The following CCNA1 variants were observed in gnomAD, a reference collection of about 807,000 sequenced individuals.
CCNA1 encodes cyclin A1.
In CCNA1, 23 loss-of-function variants were observed where a neutral mutation model predicts 54.1. That is an observed-to-expected ratio of 0.42 (90% CI 0.31 to 0.60). The LOEUF (loss-of-function observed/expected upper bound fraction) is 0.60, where lower values mean the gene tolerates loss of function less well. Ranked by LOEUF, CCNA1 falls within the 20% of genes least tolerant of loss-of-function variation. CCNA1 has a pLI of 0.14. For synonymous variants in CCNA1, 208 were observed against 213.9 expected (o/e 0.97, Z 0.24); for missense variants, 450 against 556.7 (o/e 0.81, Z 1.93).
At chr13:36,432,434 T>G (rs1593317928), upstream of CCNA1, 1 of 71,392 alleles carries the variant, frequency 1.4e-5, no homozygotes, top group East Asian at 6.7e-4. Flanking sequence ...TGCCCAACCC[T>G]GCCCCGCCCT....
intron 2 of CCNA1, among the ~76,000 whole-genome samples, chr13:36,434,832 C>CAG (rs1555270079): frequency 2.5e-5 from 3 of 120,446 alleles, no homozygotes; most frequent in African/African-American, 8.5e-5. Context: ...AGGTGCCCCC[C>CAG]CCCCCGCGCC....
At chr13:36,439,160 G>T (rs189496718) in intron 5 of CCNA1, among the ~76,000 whole-genome samples, 1 of 152,218 alleles carries the variant, frequency 6.6e-6, no homozygotes, top group African/African-American at 2.4e-5. Context: ...TAGTCTTTTT[G>T]CTATTTCCTA....
rs964820557 is a variant in CCNA1 at position 36,440,401 on chromosome 13, ACC to A, written c.1098+220_1098+221del. On this transcript the variant is annotated intron_variant, in intron 6 of 8. Coordinates refer to ENST00000255465, the MANE Select transcript of CCNA1 (RefSeq NM_003914.4). ...TTTGGCAGGCACGGGTTGTCTAATC[ACC>A]CAACTATTTAAAAATTTAAGCTTGG... Among the ~76,000 whole-genome samples the A allele has an allele frequency of 5.9e-5, 9 of 152,248 alleles. No individual in the cohort carries two copies. The South Asian group carries it at 1.2e-3, about 21-fold the overall frequency.
chr13:36,440,509 T>A (rs1391628136), intron 6 of CCNA1, among the ~76,000 whole-genome samples: 1 of 152,218 alleles, frequency 6.6e-6, no homozygotes, highest in Non-Finnish European at 1.5e-5. Flanking sequence ...TAAATCTAGT[T>A]TAATAAGGTT....
In CCNA1 at chr13:36,432,848, C is replaced by G. The variant is rs558509868; in HGVS notation, c.108+119C>G. On this transcript the variant is annotated intron_variant, in intron 1 of 8. Coordinates refer to ENST00000255465, the MANE Select transcript of CCNA1 (RefSeq NM_003914.4). Reference sequence around the variant, plus strand: ...AGGGATTCAAATAACTGTTTTGATTCAGAGCAACTTTGATCGCCTGTGCGG... The same window carrying G: ...AGGGATTCAAATAACTGTTTTGATTGAGAGCAACTTTGATCGCCTGTGCGG... The G allele has an allele frequency of 2.9e-5, 28 of 961,466 alleles. No individual in the cohort carries two copies. The East Asian group carries it at 6.5e-4, about 22-fold the overall frequency. 59.6% of individuals were successfully genotyped at this position (961,466 alleles called of 1,614,324 possible). A position where few individuals can be genotyped will look rare whatever the true frequency, so the allele number is the denominator to read the frequency against.
Position 36,442,652 on chromosome 13 carries a change from T to C in CCNA1, c.1385T>C (p.Leu462Pro), listed in dbSNP as rs199986257. 2 of 1,613,912 alleles carry C rather than the reference T, an allele frequency of 1.2e-6. No homozygotes were observed. The highest frequency in any genetic ancestry group is 2.2e-5 in the East Asian group (1 of 44,882). The change falls in exon 9 of 9, where the codon CTT becomes CCT. Residue 462 changes from leucine (L) to proline (P), a missense_variant. By Grantham distance (98) the Leu-to-Pro change is moderately conservative. This residue lies in a region of CCNA1 where 53 missense variants were observed against 50.1 expected (regional missense o/e 1.06). Coordinates refer to ENST00000255465, the MANE Select transcript of CCNA1 (RefSeq NM_003914.4). ...TCCCTCATGGAGCCACCTGCAGTTC[T>C]TCTTCTACAATAAGTTTCTGAATGG...
intron 2 of CCNA1, among the ~76,000 whole-genome samples, chr13:36,435,874 C>G (rs919660394): frequency 1.3e-5 from 2 of 152,242 alleles, no homozygotes; most frequent in African/African-American, 4.8e-5. Flanking sequence ...CTTCCCAAGT[C>G]TTCCTTGTCT....
At chr13:36,440,576 G>A (rs2055863605) in intron 6 of CCNA1, among the ~76,000 whole-genome samples, 1 of 152,186 alleles carries the variant, frequency 6.6e-6, no homozygotes, top group South Asian at 2.1e-4. Flanking sequence ...TGGAGTTACA[G>A]AACTTTAGTT....
At chr13:36,438,299 A>G in intron 4 of CCNA1, 108 bp downstream of exon 4, 1 of 929,410 alleles carries the variant, frequency 1.1e-6, no homozygotes, top group South Asian at 1.6e-5. Context: ...CTCTTATGCC[A>G]GCTAAACATA....
At chr13:36,441,324 T>G (rs2055872195) in intron 7 of CCNA1, 93 bp downstream of exon 7, 1 of 713,732 alleles carries the variant, frequency 1.4e-6, no homozygotes, top group Non-Finnish European at 2.5e-6. Context: ...AAGGATCTGG[T>G]CAACTTGACA....
At chr13:36,431,652 T>G (rs1048945110), upstream of CCNA1, 1 of 152,296 alleles carries the variant, frequency 6.6e-6, no homozygotes, top group Non-Finnish European at 1.5e-5. Flanking sequence ...GCAGGCCACA[T>G]GCACCGGGAG....
In CCNA1 at chr13:36,433,419, TTTCTTTCTTTCTTTCTTTCTTTCG is replaced by T. The variant is rs1311115845; in HGVS notation, c.297+217_297+240del. Reference sequence around the variant, plus strand: ...CTTTCTTTCTTTCTTTCTTTCTTTCTTTCTTTCTTTCTTTCTTTCTTTCGTTCTTTCTTTCTTTCTTTTCTTTCT... The same window carrying T: ...CTTTCTTTCTTTCTTTCTTTCTTTCTTTCTTTCTTTCTTTCTTTTCTTTCT... On this transcript the variant is annotated intron_variant, in intron 2 of 8. Coordinates refer to ENST00000255465, the MANE Select transcript of CCNA1 (RefSeq NM_003914.4). Among the ~76,000 whole-genome samples the T allele has an allele frequency of 3.6e-3, 426 of 119,396 alleles. 19 individuals carry two copies. Among genetic ancestry groups the T allele is most frequent in the Non-Finnish European group, 5.7e-3 (317 of 56,000 alleles). 78.3% of individuals were successfully genotyped at this position (119,396 alleles called of 152,430 possible).
At chr13:36,437,081 T>C (rs1242967182) in intron 2 of CCNA1, among the ~76,000 whole-genome samples, 2 of 152,222 alleles carry the variant, frequency 1.3e-5, no homozygotes, top group Non-Finnish European at 2.9e-5. Flanking sequence ...CATTATGTCA[T>C]ACGTAAAGGT....
rs750978297 is a variant in CCNA1 at position 36,442,675 on chromosome 13, T to C, written c.*10T>C. ...TCTTCTTCTACAATAAGTTTCTGAA[T>C]GGAAGCACTTCCAGAACTTCACCTC... is the stretch of plus-strand genomic sequence containing the variant. On this transcript the variant is annotated 3_prime_UTR_variant, in exon 9 of 9. Coordinates refer to ENST00000255465, the MANE Select transcript of CCNA1 (RefSeq NM_003914.4). 6.2e-7 allele frequency: 1 copy of C among 1,612,200 alleles called. No individual in the cohort carries two copies. Among genetic ancestry groups the C allele is most frequent in the Admixed American group, 1.7e-5 (1 of 59,948 alleles).
At chr13:36,441,008 A>G in intron 6 of CCNA1, 110 bp from the exon 7 acceptor site, 1 of 568,234 alleles carries the variant, frequency 1.8e-6, no homozygotes. Context: ...ATTTTTGTAG[A>G]TGCCGACTGA....
At chr13:36,432,862 T>G (rs1025785390) in intron 1 of CCNA1, 133 bp downstream of exon 1, 8 of 952,266 alleles carry the variant, frequency 8.4e-6, no homozygotes, top group African/African-American at 1.6e-5. Context: ...GCAACTTTGA[T>G]CGCCTGTGCG....
intron 5 of CCNA1, 49 bp from the exon 6 acceptor site, chr13:36,439,930 T>C: frequency 7.6e-7 from 1 of 1,321,356 alleles, no homozygotes; most frequent in Non-Finnish European, 1.1e-6. Flanking sequence ...AGCACAGGAG[T>C]AGAGCCAAAG....
At chr13:36,433,427 T>G (rs548613160) in intron 2 of CCNA1, among the ~76,000 whole-genome samples, 1,490 of 112,488 alleles carry the variant, frequency 0.013, 70 homozygotes, top group African/African-American at 0.051. Flanking sequence ...TCTTTCTTTC[T>G]TTCTTTCTTT....
rs776483730 is a variant in CCNA1 at position 36,442,589 on chromosome 13, G to A, written c.1347-25G>A. 5.0e-6 allele frequency: 8 copies of A among 1,613,170 alleles called. No homozygotes were observed. The East Asian group carries it at 6.7e-5, about 13-fold the overall frequency. ...CAAACCAAAGTCCTTGGCTTGTGCT[G>A]ACCTTGCTTTGGGTCTTGTTTCAGG... On this transcript the variant is annotated intron_variant, in intron 8 of 8. Transcript: ENST00000255465.
Sources: gnomAD v4.1 joint callset for allele counts (sites outside exome capture counted in the v4.1 genomes callset) on GRCh38, gnomAD v4.1.1 for gene constraint, gnomAD v4.1.1 regional missense constraint, MANE v1.5 for transcripts, NCBI Gene and HGNC (gene_info 2026-07-23, HGNC 2026-07-21) for gene names.